The following PEX5 variants were observed in gnomAD, a reference collection of about 807,000 sequenced individuals.
The protein encoded by PEX5 is peroxisomal biogenesis factor 5, also known as PTS1 receptor.
A neutral mutation model predicts 82.9 loss-of-function variants in PEX5; 52 were observed. That is an observed-to-expected ratio of 0.63 (90% CI 0.50 to 0.79). PEX5 has a LOEUF of 0.79. PEX5 is among the 30% of genes least tolerant of loss of function. PEX5 has a pLI of 0.00. For synonymous variants in PEX5, 300 were observed against 318.8 expected (o/e 0.94, Z 0.63); for missense variants, 719 against 815.2 (o/e 0.88, Z 1.44).
In PEX5 at chr12:7,209,762, G is replaced by A. The variant is rs371462892; in HGVS notation, c.1640G>A (p.Arg547Gln). Residue 547 changes from arginine to glutamine, a missense_variant, in exon 15 of 16, where the codon CGG (arginine) becomes CAG (glutamine). Arg to Gln is a conservative substitution (Grantham distance 43). Coordinates refer to ENST00000675855, the MANE Select transcript of PEX5 (RefSeq NM_001351132.2). ...GAAGAAGCAGTAGCTGCGTACCGCC[G>A]GGCCCTCGAGCTCCAGCCTGGCTAT... ...QSEEAVAAYR[R>Q]ALELQPGYIR... 16 of 1,597,518 alleles carry A rather than the reference G, an allele frequency of 1.0e-5. No homozygotes were observed. Among genetic ancestry groups the A allele is most frequent in the East Asian group, 9.0e-5 (4 of 44,238 alleles).
chr12:7,202,469 C>G, intron 8 of PEX5, 118 bp downstream of exon 8: 1 of 1,442,778 alleles, frequency 6.9e-7, no homozygotes. Flanking sequence ...TGATAGCATC[C>G]AGGTCCCAAG....
downstream of PEX5, among the ~76,000 whole-genome samples, chr12:7,215,723 G>A (rs1945758335): frequency 6.6e-6 from 1 of 152,110 alleles, no homozygotes; most frequent in African/African-American, 2.4e-5. Flanking sequence ...AGGAACGGCA[G>A]ACACTGCAGA....
intron 8 of PEX5, 41 bp from the exon 9 acceptor site, chr12:7,202,571 A>C (rs765353366): frequency 1.3e-6 from 2 of 1,552,014 alleles, no homozygotes; most frequent in South Asian, 1.1e-5. Context: ...GATGGATAGA[A>C]AGTTGGTGGT....
chr12:7,208,361 C>G lies in PEX5; in HGVS notation c.1182-96C>G, dbSNP rs1189453000. 4 of 877,160 alleles carry G rather than the reference C, an allele frequency of 4.6e-6. No individual in the cohort carries two copies. The East Asian group carries it at 7.8e-5, about 17-fold the overall frequency. 54.3% of individuals were successfully genotyped at this position (877,160 alleles called of 1,614,324 possible). A position where few individuals can be genotyped will look rare whatever the true frequency, so the allele number is the denominator to read the frequency against. The stretch of plus-strand genomic sequence containing the variant: ...GGAGTCACAGGTGAGGCCATTGTGA[C>G]TCTGCATTTCAAAGCTTGGCTTGGA... On this transcript the variant is annotated intron_variant, in intron 12 of 15. Transcript: ENST00000675855.
chr12:7,195,986 C>CA (rs1472110119), intron 5 of PEX5, among the ~76,000 whole-genome samples: 3 of 145,790 alleles, frequency 2.1e-5, no homozygotes, highest in South Asian at 4.2e-4. Flanking sequence ...GATCTATGGT[C>CA]AAAAAAAATT....
rs1387887076 is a variant in PEX5 at position 7,202,690 on chromosome 12, A to G, written c.832A>G (p.Lys278Glu). ...SALDMEFERAKSAIESDVDFW... is the reference protein window; with the variant it reads ...SALDMEFERAESAIESDVDFW... ...CCTTGATATGGAGTTTGAACGAGCC[A>G]AGTCAGCTATAGAGGTGAGAGCAGA... The change falls in exon 9 of 16, where the codon AAG (lysine) becomes GAG (glutamate). Residue 278 changes from lysine (K) to glutamate (E), a missense_variant. Coordinates refer to ENST00000675855, the MANE Select transcript of PEX5 (RefSeq NM_001351132.2). 1.9e-6 allele frequency: 3 copies of G among 1,613,660 alleles called. No individual in the cohort carries two copies. Among genetic ancestry groups the G allele is most frequent in the African/African-American group, 1.3e-5 (1 of 75,032 alleles).
chr12:7,194,216 C>A (rs1941699352), intron 5 of PEX5, among the ~76,000 whole-genome samples: 1 of 151,928 alleles, frequency 6.6e-6, no homozygotes, highest in African/African-American at 2.4e-5. Context: ...ATTTTAAAAT[C>A]TCCACTGTTA....
At position 7,202,595 on chromosome 12, in the gene PEX5, A is replaced by G. The variant is rs779717442; in HGVS notation, c.754-17A>G. 10 of 1,610,270 alleles carry G rather than the reference A, an allele frequency of 6.2e-6. No homozygotes were observed. Among genetic ancestry groups the G allele is most frequent in the Non-Finnish European group, 7.6e-6 (9 of 1,176,482 alleles). ...AAAGTTGGTGGTAGTGGTACTGACC[A>G]TCCTTTTTTGTCGCAGGGTACATCA... On this transcript the variant is annotated splice_polypyrimidine_tract_variant and intron_variant, in intron 8 of 15. Coordinates refer to ENST00000675855, the MANE Select transcript of PEX5 (RefSeq NM_001351132.2).
Position 7,210,418 on chromosome 12 carries a change from T to G in PEX5, c.*195T>G. 1 of 644,158 alleles carries G rather than the reference T, an allele frequency of 1.6e-6. No individual in the cohort carries two copies. The allele number at this position is 644,158 out of a possible 1,614,324, so 39.9% of individuals were successfully genotyped here. On this transcript the variant is annotated 3_prime_UTR_variant, in exon 16 of 16. Transcript: ENST00000675855. ...CATAATTGTAGGAAAATGAGCTGTG[T>G]CATCTCTGAGTCCCTTGGTAATTCA...
chr12:7,212,656 A>C (rs943357588), downstream of PEX5: 9 of 152,330 alleles, frequency 5.9e-5, no homozygotes, highest in African/African-American at 1.9e-4. Flanking sequence ...AGATTGTCTT[A>C]AGAAAAAAAT....
chr12:7,208,394 G>T, intron 12 of PEX5, 63 bp from the exon 13 acceptor site: 1 of 1,216,172 alleles, frequency 8.2e-7, no homozygotes, highest in Non-Finnish European at 1.2e-6. Flanking sequence ...GGATCCCAGG[G>T]TGCTCACATG....
intron 1 of PEX5, chr12:7,190,038 G>A: frequency 1.3e-6 from 2 of 1,503,618 alleles, no homozygotes; most frequent in Non-Finnish European, 1.8e-6. Flanking sequence ...CGTCCAGCCT[G>A]GTTGTTGAAG....
chr12:7,217,326 A>G (rs998172731), intron 17 of PEX5, among the ~76,000 whole-genome samples: 2 of 152,244 alleles, frequency 1.3e-5, no homozygotes, highest in Admixed American at 1.3e-4. Context: ...TTAAAACAAC[A>G]ATAATTAATT....
chr12:7,208,450 C>G lies in PEX5; in HGVS notation c.1182-7C>G. On this transcript the variant is annotated splice_region_variant and splice_polypyrimidine_tract_variant and intron_variant, in intron 12 of 15. Transcript: ENST00000675855. Reference sequence around the variant, plus strand: ...GATATCAAGTCTGCCCATCCCTGATCAAACAGGTGTCTGGAGCTAAAGCCA... The same window carrying G: ...GATATCAAGTCTGCCCATCCCTGATGAAACAGGTGTCTGGAGCTAAAGCCA... The G allele has an allele frequency of 6.2e-7, 1 of 1,610,394 alleles. No homozygotes were observed. Among genetic ancestry groups the G allele is most frequent in the Non-Finnish European group, 8.5e-7 (1 of 1,176,778 alleles).
chr12:7,214,861 C>T (rs1488356355), downstream of PEX5, among the ~76,000 whole-genome samples: 1 of 151,858 alleles, frequency 6.6e-6, no homozygotes, highest in Non-Finnish European at 1.5e-5. Flanking sequence ...TAATATAATA[C>T]TGATAATGAT....
chr12:7,192,665 C>T (rs758634771), intron 5 of PEX5, among the ~76,000 whole-genome samples: 4 of 152,072 alleles, frequency 2.6e-5, no homozygotes, highest in Non-Finnish European at 5.9e-5. Context: ...TCCAGGATCT[C>T]GGGGAGTCAC....
Position 7,197,338 on chromosome 12 carries a change from TTATA to T in PEX5, c.449-1669_449-1666del, listed in dbSNP as rs1337271522. Reference sequence around the variant, plus strand: ...TCATATGTCATATACAATGTAATAATTATATATGTCATATACAATGTAATAATTA... The same window carrying T: ...TCATATGTCATATACAATGTAATAATTATGTCATATACAATGTAATAATTA... On this transcript the variant is annotated intron_variant, in intron 5 of 15. Transcript: ENST00000675855. 5.3e-5 allele frequency among the ~76,000 whole-genome samples: 5 copies of T among 94,250 alleles called. 1 individual carries two copies. In the East Asian group the frequency reaches 1.2e-3, roughly 23 times the overall value. 61.8% of individuals were successfully genotyped at this position (94,250 alleles called of 152,430 possible). A position where few individuals can be genotyped will look rare whatever the true frequency, so the allele number is the denominator to read the frequency against.
chr12:7,206,580 TATA>T (rs1944826806), intron 10 of PEX5, among the ~76,000 whole-genome samples: 2 of 49,658 alleles, frequency 4.0e-5, no homozygotes, highest in Non-Finnish European at 1.2e-4. Flanking sequence ...TCAAATCTAC[TATA>T]ATATGTCTTT....
chr12:7,211,955 ATT>A (rs869133253), downstream of PEX5, among the ~76,000 whole-genome samples: 214 of 17,224 alleles, frequency 0.012, 1 homozygote, highest in South Asian at 0.04. Flanking sequence ...TGGAAAAAAA[ATT>A]TTTTTTTTTT....
Sources: gnomAD v4.1 joint callset for allele counts (sites outside exome capture counted in the v4.1 genomes callset) on GRCh38, gnomAD v4.1.1 for gene constraint, MANE v1.5 for transcripts, NCBI Gene and HGNC (gene_info 2026-07-23, HGNC 2026-07-21) for gene names.